CREG2: variants seen among roughly 807,000 people sequenced by gnomAD.
CREG2 encodes the protein protein CREG2.
A neutral mutation model predicts 26.2 loss-of-function variants in CREG2; 24 were observed. That is an observed-to-expected ratio of 0.92 (90% CI 0.66 to 1.29). CREG2 has a LOEUF of 1.29. CREG2 is among the 50% of genes most tolerant of loss of function. The probability of loss-of-function intolerance (pLI) is 0.00; values close to 1 mark genes in which losing one functional copy is unlikely to be tolerated. For missense variants in CREG2, 366 were observed against 398.6 expected (o/e 0.92, Z 0.70); for synonymous variants, 174 against 169.2 (o/e 1.03, Z -0.22).
At chr2:101,383,760 G>C in intron 1 of CREG2, 58 bp from the exon 2 acceptor site, 2 of 1,491,898 alleles carry the variant, frequency 1.3e-6, no homozygotes, top group Non-Finnish European at 1.8e-6. Context: ...CTTGATCTGG[G>C]AGCTTAGCTT....
intron 2 of CREG2, among the ~76,000 whole-genome samples, chr2:101,381,660 A>T (rs1457169500): frequency 1.3e-5 from 2 of 152,230 alleles, no homozygotes; most frequent in East Asian, 3.9e-4. Context: ...ACAAGAAGAC[A>T]TAAACTAAGG....
Position 101,347,356 on chromosome 2 carries a change from A to G in CREG2, c.*3567T>C, listed in dbSNP as rs1684322952. 1 of 152,198 alleles carries G rather than the reference A, an allele frequency of 6.6e-6. No individual in the cohort carries two copies. 9.4% of individuals were successfully genotyped at this position (152,198 alleles called of 1,614,324 possible). A position where few individuals can be genotyped will look rare whatever the true frequency, so the allele number is the denominator to read the frequency against. On this transcript the variant is annotated 3_prime_UTR_variant, in exon 4 of 4. Coordinates refer to ENST00000324768, the MANE Select transcript of CREG2 (RefSeq NM_153836.4). ...TGCCCAGGAGCAATTGAGGGTCAGT[A>G]TGGCAGTTGTATGTTTAGTTTTATG...
chr2:101,365,018 G>A (rs762824402), intron 2 of CREG2, among the ~76,000 whole-genome samples: 7 of 152,218 alleles, frequency 4.6e-5, no homozygotes, highest in African/African-American at 7.2e-5. Flanking sequence ...AATTCTGGAT[G>A]TGGTGCTTTT....
intron 3 of CREG2, among the ~76,000 whole-genome samples, chr2:101,353,580 G>A (rs1050506293): frequency 6.6e-6 from 1 of 152,186 alleles, no homozygotes; most frequent in Non-Finnish European, 1.5e-5. Context: ...TCTAGAACCA[G>A]AAATATCATT....
chr2:101,351,202 C>G, intron 3 of CREG2, 132 bp from the exon 4 acceptor site: 1 of 852,364 alleles, frequency 1.2e-6, no homozygotes, highest in Non-Finnish European at 1.7e-6. Context: ...GAGGCAGAAC[C>G]AGGGAGCTGA....
Position 101,348,955 on chromosome 2 carries a change from T to G in CREG2, c.*1968A>C, listed in dbSNP as rs1331528635. ...CAACCTTTTCAGGTTTCATTTCCTG[T>G]AATTTGGATAAATAGCTGATAACAT... On this transcript the variant is annotated 3_prime_UTR_variant, in exon 4 of 4. Coordinates refer to ENST00000324768, the MANE Select transcript of CREG2 (RefSeq NM_153836.4). 6.6e-6 allele frequency: 1 copy of G among 152,588 alleles called. No individual in the cohort carries two copies. The highest frequency in any genetic ancestry group is 2.4e-5 in the African/African-American group (1 of 41,448). 9.5% of individuals were successfully genotyped at this position (152,588 alleles called of 1,614,324 possible). A position where few individuals can be genotyped will look rare whatever the true frequency, so the allele number is the denominator to read the frequency against.
intron 1 of CREG2, 97 bp downstream of exon 1, chr2:101,386,920 G>A: frequency 4.3e-6 from 5 of 1,169,994 alleles, no homozygotes; most frequent in Non-Finnish European, 5.4e-6. Flanking sequence ...GGTGGACCCG[G>A]ATCTCAGTCC....
intron 2 of CREG2, among the ~76,000 whole-genome samples, chr2:101,356,685 G>A (rs966369220): frequency 2.0e-5 from 3 of 152,098 alleles, no homozygotes; most frequent in Non-Finnish European, 4.4e-5. Context: ...AGCAGTGACT[G>A]GAATAAGGGC....
At chr2:101,386,869 G>A in intron 1 of CREG2, 148 bp downstream of exon 1, 1 of 793,104 alleles carries the variant, frequency 1.3e-6, no homozygotes, top group Non-Finnish European at 1.7e-6. Context: ...CTTCCATTAT[G>A]TACAGTGTCG....
chr2:101,383,853 T>C, intron 1 of CREG2, 151 bp from the exon 2 acceptor site: 1 of 691,054 alleles, frequency 1.4e-6, no homozygotes. Flanking sequence ...TAAATCAAGG[T>C]GAGGTGGTCC....
intron 2 of CREG2, among the ~76,000 whole-genome samples, chr2:101,362,819 G>A (rs1370861310): frequency 6.6e-6 from 1 of 152,184 alleles, no homozygotes; most frequent in African/African-American, 2.4e-5. Context: ...TAAACCAAGA[G>A]GATTCAGGTC....
intron 2 of CREG2, among the ~76,000 whole-genome samples, chr2:101,370,275 A>G (rs946361155): frequency 3.9e-5 from 6 of 152,204 alleles, no homozygotes; most frequent in African/African-American, 1.4e-4. Context: ...TTAGAGTATA[A>G]ATAGGGCACT....
chr2:101,358,552 T>C (rs1313891847), intron 2 of CREG2, among the ~76,000 whole-genome samples: 2 of 152,116 alleles, frequency 1.3e-5, no homozygotes, highest in African/African-American at 4.8e-5. Context: ...AGTGGGGAAA[T>C]ACAAATAAAT....
intron 1 of CREG2, among the ~76,000 whole-genome samples, chr2:101,385,795 G>A (rs1366593023): frequency 6.6e-6 from 1 of 152,218 alleles, no homozygotes; most frequent in African/African-American, 2.4e-5. Flanking sequence ...TGTAAATGCT[G>A]TCTGAATTTA....
Position 101,387,158 on chromosome 2 carries a change from TGGCGCGGGGGGCGGCCTGGCCCGGGC to T in CREG2, c.274_299del (p.Ala92ThrfsTer21), listed in dbSNP as rs1257668896. ...CGCGCCGGTAGGAGAACATCCCGGG[TGGCGCGGGGGGCGGCCTGGCCCGGGC>T]GGCGCCCGCCCGGGGCCGCAGGTGC... On this transcript the variant is annotated frameshift_variant, in exon 1 of 4. Transcript: ENST00000324768. LOFTEE classifies it high-confidence loss of function. This position sits in a 1 kb window ranked among gnomAD's most constrained non-coding sequence, Gnocchi z 4.7. 2 of 1,267,560 alleles carry T rather than the reference TGGCGCGGGGGGCGGCCTGGCCCGGGC, an allele frequency of 1.6e-6. No individual in the cohort carries two copies. Among genetic ancestry groups the T allele is most frequent in the African/African-American group, 3.1e-5 (2 of 64,302 alleles). 78.5% of individuals were successfully genotyped at this position (1,267,560 alleles called of 1,614,324 possible).
intron 2 of CREG2, among the ~76,000 whole-genome samples, chr2:101,381,453 C>T (rs1684871970): frequency 6.6e-6 from 1 of 152,200 alleles, no homozygotes; most frequent in Non-Finnish European, 1.5e-5. Context: ...ACAGGTGAGT[C>T]ACATCTGGGC....
chr2:101,369,601 C>G (rs1367657917), intron 2 of CREG2, among the ~76,000 whole-genome samples: 1 of 152,180 alleles, frequency 6.6e-6, no homozygotes, highest in Non-Finnish European at 1.5e-5. Flanking sequence ...TCTCTCCCAC[C>G]AATCTTCTAC....
chr2:101,347,580 C>T lies in CREG2; in HGVS notation c.*3343G>A, dbSNP rs1684324815. On this transcript the variant is annotated 3_prime_UTR_variant, in exon 4 of 4. Coordinates refer to ENST00000324768, the MANE Select transcript of CREG2 (RefSeq NM_153836.4). ...TTCCCCTAGTGACTAGTGCTGTTGACTGTCTTTTCATGTCTTTTCATGCGC... is the reference window on the plus strand; with the variant it reads ...TTCCCCTAGTGACTAGTGCTGTTGATTGTCTTTTCATGTCTTTTCATGCGC... 1 of 151,822 alleles carries T rather than the reference C, an allele frequency of 6.6e-6. No individual in the cohort carries two copies. The highest frequency in any genetic ancestry group is 2.1e-4 in the South Asian group (1 of 4,826). The allele number at this position is 151,822 out of a possible 1,614,324, so 9.4% of individuals were successfully genotyped here. A position where few individuals can be genotyped will look rare whatever the true frequency, so the allele number is the denominator to read the frequency against.
chr2:101,372,280 T>C (rs950651874), intron 2 of CREG2, among the ~76,000 whole-genome samples: 21 of 152,356 alleles, frequency 1.4e-4, no homozygotes, highest in Middle Eastern at 6.8e-3. Context: ...TGTTCACGCC[T>C]ACGCATGCCT....
Sources: allele counts gnomAD v4.1 joint callset (sites outside exome capture counted in the v4.1 genomes callset), GRCh38; gene constraint gnomAD v4.1.1; non-coding constraint Gnocchi (gnomAD v3.1); transcripts MANE v1.5; gene names NCBI Gene and HGNC (gene_info 2026-07-23, HGNC 2026-07-21).